Variants in TMEM151B observed in about 807,000 individuals in gnomAD.
TMEM151B encodes the protein transmembrane protein 193.
TMEM151B carries 18 observed loss-of-function variants against 33.0 expected under a neutral mutation model. The observed-to-expected ratio is 0.55, with a 90% confidence interval of 0.38 to 0.81. The LOEUF (loss-of-function observed/expected upper bound fraction) is 0.81. TMEM151B is among the 30% of genes least tolerant of loss of function. The pLI, the probability that TMEM151B is intolerant of heterozygous loss-of-function variation, is 0.00. For synonymous variants in TMEM151B, 354 were observed against 373.6 expected, an observed-to-expected ratio of 0.95 and a Z score of 0.61; for missense variants, 672 against 843.4, an observed-to-expected ratio of 0.80 and a Z score of 2.52.
chr6:44,271,322 A>AC (rs1782332299), intron 1 of TMEM151B, among the ~76,000 whole-genome samples: 1 of 52,092 alleles, frequency 1.9e-5, no homozygotes, highest in South Asian at 6.3e-4. Context: ...TCAGATGTGT[A>AC]CGGGGGGTCC....
chr6:44,275,382 C>T, intron 2 of TMEM151B, 21 bp from the exon 3 acceptor site: 1 of 1,477,426 alleles, frequency 6.8e-7, no homozygotes, highest in Middle Eastern at 2.3e-4. Context: ...GCGACCCCGC[C>T]GCCTGCCCCC....
In TMEM151B at chr6:44,270,827, ACGGCGGCGGCGGCAG is replaced by A; in HGVS notation, c.98_112del (p.Ala33_Ala37del). 11 of 1,128,592 alleles carry A rather than the reference ACGGCGGCGGCGGCAG, an allele frequency of 9.7e-6. No homozygotes were observed. Among genetic ancestry groups the A allele is most frequent in the Middle Eastern group, 3.7e-4 (1 of 2,672 alleles). 69.9% of individuals were successfully genotyped at this position (1,128,592 alleles called of 1,614,324 possible). A position where few individuals can be genotyped will look rare whatever the true frequency, so the allele number is the denominator to read the frequency against. On this transcript the variant is annotated inframe_deletion, in exon 1 of 3. Transcript: ENST00000451188. ...CGGCCCCGGGGTCTCGGAGGAGCTC[ACGGCGGCGGCGGCAG>A]CGGCGGCGGCGGACGAGGGCCCCGC...
chr6:44,275,909 C>T lies in TMEM151B; in HGVS notation c.1083C>T (p.Arg361=), dbSNP rs768634325. ...SDELLPPLTH[R]LPRVNTVDST... ...AGCTGCTGCCCCCGCTCACCCACCG[C>T]CTGCCGCGGGTCAACACAGTAGACA... is the stretch of plus-strand genomic sequence containing the variant. Residue 361 remains arginine, a synonymous_variant, in exon 3 of 3, where the codon CGC becomes CGT. Coordinates refer to ENST00000451188, the MANE Select transcript of TMEM151B (RefSeq NM_001137560.2). 4 of 1,529,314 alleles carry T rather than the reference C, an allele frequency of 2.6e-6. No individual in the cohort carries two copies. Among genetic ancestry groups the T allele is most frequent in the Middle Eastern group, 1.7e-4 (1 of 5,876 alleles). The allele number at this position is 1,529,314 out of a possible 1,614,324, so 94.7% of individuals were successfully genotyped here.
rs1782548698 is a variant in TMEM151B at position 44,275,520 on chromosome 6, C to G, written c.694C>G (p.Leu232Val). Residue 232 changes from leucine (L) to valine (V), a missense_variant, in exon 3 of 3, where the codon CTG becomes GTG. By Grantham distance (32) the Leu-to-Val change is conservative. Coordinates refer to ENST00000451188, the MANE Select transcript of TMEM151B (RefSeq NM_001137560.2). ...GCTGGAGGGCGCGCCGGCCACGCGG[C>G]TGCGCTTCACCAAGTGCTTCAGTTT... The part of the protein sequence containing the change: ...VGLEGAPATR[L>V]RFTKCFSFAS... The G allele has an allele frequency of 6.5e-7, 1 of 1,550,026 alleles. No individual in the cohort carries two copies.
chr6:44,276,018 C>T lies in TMEM151B; in HGVS notation c.1192C>T (p.Leu398Phe). ...GGCGGTGCTCATGGACCTGGCGGGG[C>T]TCGGGACGCGCTGCGGCGGGGCAGG... ...SEAVLMDLAG[L>F]GTRCGGAGGG... Residue 398 changes from leucine to phenylalanine, a missense_variant, in exon 3 of 3, where the codon CTC becomes TTC. Around this residue, in one of 3 missense-constraint regions of TMEM151B, gnomAD observed 324 missense variants for 363.1 expected, o/e 0.89. Transcript: ENST00000451188. 1 of 1,354,142 alleles carries T rather than the reference C, an allele frequency of 7.4e-7. No homozygotes were observed. The highest frequency in any genetic ancestry group is 1.5e-5 in the African/African-American group (1 of 65,200). The allele number at this position is 1,354,142 out of a possible 1,614,324, so 83.9% of individuals were successfully genotyped here.
rs1782577118 is a variant in TMEM151B at position 44,276,100 on chromosome 6, G to A, written c.1274G>A (p.Gly425Asp). Reference protein sequence around the residue: ...YGGVGGPGAAGVAPYRRSCEH... With the variant: ...YGGVGGPGAADVAPYRRSCEH... ...GGGGTAGGCGGCCCGGGCGCGGCGG[G>A]CGTGGCTCCCTACCGGCGCAGCTGC... Residue 425 changes from glycine to aspartate, a missense_variant, in exon 3 of 3, where the codon GGC becomes GAC. This residue lies in a region of TMEM151B where 324 missense variants were observed against 363.1 expected (regional missense o/e 0.89). Transcript: ENST00000451188. 1.5e-6 allele frequency: 2 copies of A among 1,322,670 alleles called. No homozygotes were observed. Among genetic ancestry groups the A allele is most frequent in the Non-Finnish European group, 9.6e-7 (1 of 1,045,238 alleles). The allele number at this position is 1,322,670 out of a possible 1,614,324, so 81.9% of individuals were successfully genotyped here.
In TMEM151B at chr6:44,275,487, C is replaced by T; in HGVS notation, c.661C>T (p.Leu221=). The T allele has an allele frequency of 6.5e-7, 1 of 1,549,402 alleles. No individual in the cohort carries two copies. The highest frequency in any genetic ancestry group is 8.7e-7 in the Non-Finnish European group (1 of 1,146,078). The change falls in exon 3 of 3, where the codon CTG becomes TTG. Residue 221 remains leucine, a synonymous_variant. Coordinates refer to ENST00000451188, the MANE Select transcript of TMEM151B (RefSeq NM_001137560.2). ...CGGCGTTCGCGACGTGTCCAAGACG[C>T]TGGTGGGGCTGGAGGGCGCGCCGGC... ...RCGVRDVSKT[L]VGLEGAPATR...
In TMEM151B at chr6:44,270,674, C is replaced by T. The variant is rs559146952; in HGVS notation, c.-69C>T. ...CCCCTCCCGTCCTCTCCCCAGGGCC[C>T]GCGCAGGATGCCCCCGGCCCCTGGC... On this transcript the variant is annotated 5_prime_UTR_variant, in exon 1 of 3. Transcript: ENST00000451188. 5.2e-6 allele frequency: 2 copies of T among 384,340 alleles called. No individual in the cohort carries two copies. The highest frequency in any genetic ancestry group is 7.7e-6 in the Non-Finnish European group (2 of 259,090). The allele number at this position is 384,340 out of a possible 1,614,324, so 23.8% of individuals were successfully genotyped here.
chr6:44,270,720 G>T lies in TMEM151B; in HGVS notation c.-23G>T. The T allele has an allele frequency of 9.5e-7, 1 of 1,049,160 alleles. No homozygotes were observed. Among genetic ancestry groups the T allele is most frequent in the East Asian group, 4.7e-5 (1 of 21,396 alleles). 65.0% of individuals were successfully genotyped at this position (1,049,160 alleles called of 1,614,324 possible). A position where few individuals can be genotyped will look rare whatever the true frequency, so the allele number is the denominator to read the frequency against. On this transcript the variant is annotated 5_prime_UTR_variant, in exon 1 of 3. Coordinates refer to ENST00000451188, the MANE Select transcript of TMEM151B (RefSeq NM_001137560.2). ...CTGGCAGCCCCCCGGGAGGTCCTGA[G>T]CTCGACGCGCCCCCTCTACGCCATG...
In TMEM151B at chr6:44,275,944, T is replaced by C. The variant is rs1246292258; in HGVS notation, c.1118T>C (p.Leu373Pro). The change falls in exon 3 of 3, where the codon CTC (leucine) becomes CCC (proline). Residue 373 changes from leucine to proline, a missense_variant. Around this residue, in one of 3 missense-constraint regions of TMEM151B, gnomAD observed 324 missense variants for 363.1 expected, o/e 0.89. Transcript: ENST00000451188. ...PRVNTVDSTE[L>P]EWHIRSNQQL... ...GTCAACACAGTAGACAGCACGGAGC[T>C]CGAGTGGCACATCCGCTCCAACCAG... 6.7e-7 allele frequency: 1 copy of C among 1,488,312 alleles called. No individual in the cohort carries two copies. The allele number at this position is 1,488,312 out of a possible 1,614,324, so 92.2% of individuals were successfully genotyped here. A position where few individuals can be genotyped will look rare whatever the true frequency, so the allele number is the denominator to read the frequency against.
At position 44,276,792 on chromosome 6, in the gene TMEM151B, A is replaced by G; in HGVS notation, c.*265A>G. ...CTTCCAGCCCCAACCCTGAGTTCCT[A>G]AAGGGACACCTCCCTCCTGTCCAGC... On this transcript the variant is annotated 3_prime_UTR_variant, in exon 3 of 3. Transcript: ENST00000451188. 1.9e-6 allele frequency: 1 copy of G among 534,604 alleles called. No homozygotes were observed. Among genetic ancestry groups the G allele is most frequent in the Non-Finnish European group, 2.8e-6 (1 of 361,050 alleles). The allele number at this position is 534,604 out of a possible 1,614,324, so 33.1% of individuals were successfully genotyped here. A position where few individuals can be genotyped will look rare whatever the true frequency, so the allele number is the denominator to read the frequency against.
chr6:44,276,538 C>A lies in TMEM151B; in HGVS notation c.*11C>A. 7.4e-7 allele frequency: 1 copy of A among 1,345,884 alleles called. No homozygotes were observed. Among genetic ancestry groups the A allele is most frequent in the Admixed American group, 3.3e-5 (1 of 30,236 alleles). The allele number at this position is 1,345,884 out of a possible 1,614,324, so 83.4% of individuals were successfully genotyped here. A position where few individuals can be genotyped will look rare whatever the true frequency, so the allele number is the denominator to read the frequency against. ...GAGACCTCACTGTGACCTCCGGCCCCGGAGTGGCCCGCGCCGTCCTCCCGC... is the reference window on the plus strand; with the variant it reads ...GAGACCTCACTGTGACCTCCGGCCCAGGAGTGGCCCGCGCCGTCCTCCCGC... On this transcript the variant is annotated 3_prime_UTR_variant, in exon 3 of 3. Coordinates refer to ENST00000451188, the MANE Select transcript of TMEM151B (RefSeq NM_001137560.2).
chr6:44,273,007 G>A (rs980150536), intron 1 of TMEM151B, 59 bp from the exon 2 acceptor site: 2 of 1,388,656 alleles, frequency 1.4e-6, no homozygotes, highest in Non-Finnish European at 1.9e-6. Context: ...CTCTGTGCTG[G>A]GTCCTGCCTG....
In TMEM151B at chr6:44,273,366, G is replaced by A; in HGVS notation, c.436G>A (p.Val146Met). Reference sequence around the variant, plus strand: ...CCATGAGCTGCAGCACCGTGTTGATGTGAGCAGTGTGCGGGAACGTGTGGG... The same window carrying A: ...CCATGAGCTGCAGCACCGTGTTGATATGAGCAGTGTGCGGGAACGTGTGGG... ...ARHELQHRVD[V>M]SSVRERVGRM... is the part of the protein sequence containing the mutation. Residue 146 changes from valine to methionine, a missense_variant, in exon 2 of 3, where the codon GTG becomes ATG. Physicochemically the swap from Val to Met is conservative, Grantham distance 21 (BLOSUM62 1). Transcript: ENST00000451188. 1 of 1,551,548 alleles carries A rather than the reference G, an allele frequency of 6.4e-7. No individual in the cohort carries two copies. Among genetic ancestry groups the A allele is most frequent in the South Asian group, 1.2e-5 (1 of 84,066 alleles).
chr6:44,273,409 C>A lies in TMEM151B; in HGVS notation c.479C>A (p.Thr160Lys). The change falls in exon 2 of 3, where the codon ACG (threonine) becomes AAG (lysine). Residue 160 changes from threonine (T) to lysine (K), a missense_variant. Coordinates refer to ENST00000451188, the MANE Select transcript of TMEM151B (RefSeq NM_001137560.2). ...CGTGTGGGCCGCATGCAGCAAGCCACGCCCTGCATCTGGTGGAAGGCCATC... is the reference window on the plus strand; with the variant it reads ...CGTGTGGGCCGCATGCAGCAAGCCAAGCCCTGCATCTGGTGGAAGGCCATC... ...RERVGRMQQA[T>K]PCIWWKAISY... is the part of the protein sequence containing the mutation. 6.4e-7 allele frequency: 1 copy of A among 1,551,182 alleles called. No individual in the cohort carries two copies. The highest frequency in any genetic ancestry group is 1.2e-5 in the South Asian group (1 of 84,066).
rs1018541060 is a variant in TMEM151B at position 44,276,089 on chromosome 6, G to A, written c.1263G>A (p.Pro421=). The A allele has an allele frequency of 6.8e-6, 9 of 1,321,054 alleles. No homozygotes were observed. The highest frequency in any genetic ancestry group is 1.5e-5 in the African/African-American group (1 of 64,662). 81.8% of individuals were successfully genotyped at this position (1,321,054 alleles called of 1,614,324 possible). ...GCCGCTACGGTGGGGTAGGCGGCCC[G>A]GGCGCGGCGGGCGTGGCTCCCTACC... The part of the protein sequence containing the change: ...PSCRYGGVGG[P]GAAGVAPYRR... The change falls in exon 3 of 3, where the codon CCG becomes CCA. Residue 421 remains proline, a synonymous_variant. Coordinates refer to ENST00000451188, the MANE Select transcript of TMEM151B (RefSeq NM_001137560.2).
rs1460931277 is a variant in TMEM151B at position 44,276,114 on chromosome 6, C to T, written c.1288C>T (p.Arg430Trp). The change falls in exon 3 of 3, where the codon CGG becomes TGG. Residue 430 changes from arginine to tryptophan, a missense_variant. By Grantham distance (101) the Arg-to-Trp change is moderately radical. Around this residue, in one of 3 missense-constraint regions of TMEM151B, gnomAD observed 324 missense variants for 363.1 expected, o/e 0.89. Coordinates refer to ENST00000451188, the MANE Select transcript of TMEM151B (RefSeq NM_001137560.2). ...GGGCGCGGCGGGCGTGGCTCCCTAC[C>T]GGCGCAGCTGCGAGCACTGCCAGCG... ...GPGAAGVAPY[R>W]RSCEHCQRAV... 1.5e-6 allele frequency: 2 copies of T among 1,321,896 alleles called. No homozygotes were observed. The highest frequency in any genetic ancestry group is 1.9e-6 in the Non-Finnish European group (2 of 1,044,668). 81.9% of individuals were successfully genotyped at this position (1,321,896 alleles called of 1,614,324 possible).
Position 44,275,492 on chromosome 6 carries a change from G to A in TMEM151B, c.666G>A (p.Val222=). The change falls in exon 3 of 3, where the codon GTG becomes GTA. Residue 222 remains valine, a synonymous_variant. Coordinates refer to ENST00000451188, the MANE Select transcript of TMEM151B (RefSeq NM_001137560.2). Reference sequence around the variant, plus strand: ...TTCGCGACGTGTCCAAGACGCTGGTGGGGCTGGAGGGCGCGCCGGCCACGC... The same window carrying A: ...TTCGCGACGTGTCCAAGACGCTGGTAGGGCTGGAGGGCGCGCCGGCCACGC... ...CGVRDVSKTL[V]GLEGAPATRL... 1 of 1,549,480 alleles carries A rather than the reference G, an allele frequency of 6.5e-7. No homozygotes were observed. Among genetic ancestry groups the A allele is most frequent in the Non-Finnish European group, 8.7e-7 (1 of 1,146,150 alleles).
chr6:44,276,743 C>G lies in TMEM151B; in HGVS notation c.*216C>G. On this transcript the variant is annotated 3_prime_UTR_variant, in exon 3 of 3. Coordinates refer to ENST00000451188, the MANE Select transcript of TMEM151B (RefSeq NM_001137560.2). Reference sequence around the variant, plus strand: ...GGGTGGGAGGGGGTCGGCTGCTCCCCGAGATCCCCCTGGCAGAGTCATTCT... The same window carrying G: ...GGGTGGGAGGGGGTCGGCTGCTCCCGGAGATCCCCCTGGCAGAGTCATTCT... 2 of 994,418 alleles carry G rather than the reference C, an allele frequency of 2.0e-6. No homozygotes were observed. Among genetic ancestry groups the G allele is most frequent in the Non-Finnish European group, 2.6e-6 (2 of 772,600 alleles). 61.6% of individuals were successfully genotyped at this position (994,418 alleles called of 1,614,324 possible).
Sources: allele counts gnomAD v4.1 joint callset (sites outside exome capture counted in the v4.1 genomes callset), GRCh38; gene constraint gnomAD v4.1.1; regional missense constraint gnomAD v4.1.1; transcripts MANE v1.5; gene names NCBI Gene and HGNC (gene_info 2026-07-23, HGNC 2026-07-21).